CSMD1: variants seen among roughly 807,000 people sequenced by gnomAD.
CSMD1 encodes CUB and Sushi multiple domains 1, also known as CUB and sushi domain-containing protein 1.
Under a neutral mutation model 417.5 loss-of-function variants are expected in CSMD1, and 213 were observed. The observed-to-expected ratio is 0.51, with a 90% confidence interval of 0.46 to 0.57. The LOEUF (loss-of-function observed/expected upper bound fraction) is 0.57, where lower values mean the gene tolerates loss of function less well. Among genes scored for constraint, CSMD1 ranks in the 20% least tolerant of loss-of-function variants. The probability of loss-of-function intolerance (pLI) is 0.00; values close to 1 mark genes in which losing one functional copy is unlikely to be tolerated. For synonymous variants in CSMD1, 2,862 were observed against 1,736.8 expected (o/e 1.65, Z -16.11); for missense variants, 6,923 against 4,529.7 (o/e 1.53, Z -15.17).
intron 1 of CSMD1, among the ~76,000 whole-genome samples, chr8:4,869,824 C>G (rs1372008799): frequency 6.6e-6 from 1 of 151,888 alleles, no homozygotes; most frequent in Non-Finnish European, 1.5e-5. Context: ...TATGGCTGGT[C>G]TTTAATTTAT....
intron 23 of CSMD1, among the ~76,000 whole-genome samples, chr8:3,338,859 A>G (rs1807451844): frequency 6.7e-6 from 1 of 149,112 alleles, no homozygotes; most frequent in Non-Finnish European, 1.5e-5. Context: ...ATTAACTTTA[A>G]GTTTTAGGGT....
intron 5 of CSMD1, among the ~76,000 whole-genome samples, chr8:3,930,052 G>C (rs538258213): frequency 1.0e-4 from 15 of 150,312 alleles, no homozygotes; most frequent in African/African-American, 3.2e-4. Context: ...TCTCTGAGAG[G>C]GGGTATGTGT....
At chr8:4,971,701 AT>A (rs1810250290) in intron 1 of CSMD1, among the ~76,000 whole-genome samples, 7 of 151,448 alleles carry the variant, frequency 4.6e-5, no homozygotes, top group Admixed American at 1.3e-4. Context: ...ATATATATAT[AT>A]ATATAATTTG....
At chr8:3,978,079 A>C (rs1368266355) in intron 5 of CSMD1, among the ~76,000 whole-genome samples, 1 of 152,198 alleles carries the variant, frequency 6.6e-6, no homozygotes, top group Non-Finnish European at 1.5e-5. Context: ...GCAACTGTGA[A>C]ACTCGGTGTC....
At chr8:4,236,138 G>A (rs1423685435) in intron 3 of CSMD1, among the ~76,000 whole-genome samples, 1 of 146,068 alleles carries the variant, frequency 6.8e-6, no homozygotes, top group Non-Finnish European at 1.5e-5. Flanking sequence ...TAAAAACACC[G>A]TATGTTATCA....
chr8:4,250,117 CT>C (rs1802963167), intron 3 of CSMD1, among the ~76,000 whole-genome samples: 1 of 152,184 alleles, frequency 6.6e-6, no homozygotes, highest in African/African-American at 2.4e-5. Flanking sequence ...AAGAAAGCCC[CT>C]GATCAACTAC....
chr8:4,468,984 TTC>T (rs1430468508), intron 2 of CSMD1, among the ~76,000 whole-genome samples: 4 of 152,178 alleles, frequency 2.6e-5, no homozygotes, highest in African/African-American at 9.7e-5. Context: ...ATGGGTATAG[TTC>T]TCTTATCAGA....
intron 4 of CSMD1, among the ~76,000 whole-genome samples, chr8:4,022,170 ATGTATATTTATG>A (rs1408442618): frequency 6.3e-5 from 7 of 111,984 alleles, no homozygotes; most frequent in Non-Finnish European, 1.3e-4. Context: ...ATTAATATAT[ATGTATATTTATG>A]TGTATATATA....
At chr8:3,345,293 A>G (rs1585030672) in intron 22 of CSMD1, among the ~76,000 whole-genome samples, 1 of 152,194 alleles carries the variant, frequency 6.6e-6, no homozygotes, top group Admixed American at 6.5e-5. Flanking sequence ...TACAACCACT[A>G]AAAATGAACA....
Position 4,849,330 on chromosome 8 carries a change from AAAGT to A in CSMD1, c.85+144998_85+145001del, listed in dbSNP as rs544342536. Among the ~76,000 whole-genome samples, 119 of 152,220 alleles carry A rather than the reference AAAGT, an allele frequency of 7.8e-4. 1 individual carries two copies. The South Asian group carries it at 0.013, about 16-fold the overall frequency. On this transcript the variant is annotated intron_variant, in intron 1 of 69. Coordinates refer to ENST00000635120, the MANE Select transcript of CSMD1 (RefSeq NM_033225.6). ...AAAAAATTAAAAGTTTATAAAGAAA[AAAGT>A]AATAAGGTGAAGTTAATTTAATAAA...
At chr8:4,668,834 T>C (rs1201296188) in intron 1 of CSMD1, among the ~76,000 whole-genome samples, 1 of 152,168 alleles carries the variant, frequency 6.6e-6, no homozygotes, top group Non-Finnish European at 1.5e-5. Context: ...CTATATCTGT[T>C]ATCCTCTCTC....
intron 1 of CSMD1, among the ~76,000 whole-genome samples, chr8:4,993,484 G>T (rs1811588939): frequency 6.6e-6 from 1 of 151,866 alleles, no homozygotes; most frequent in Non-Finnish European, 1.5e-5. Flanking sequence ...CAGCCTTGAG[G>T]TCGCAGCCTG....
At chr8:4,819,848 G>C (rs755813675) in intron 1 of CSMD1, among the ~76,000 whole-genome samples, 22 of 152,126 alleles carry the variant, frequency 1.4e-4, no homozygotes, top group Non-Finnish European at 3.1e-4. Flanking sequence ...GAGCAAACGA[G>C]TGTAGGGAAC....
chr8:4,753,545 G>C (rs566841975), intron 1 of CSMD1, among the ~76,000 whole-genome samples: 1 of 151,808 alleles, frequency 6.6e-6, no homozygotes, highest in East Asian at 1.9e-4. Flanking sequence ...CTAAGTCTTG[G>C]GTTCATGATT....
chr8:4,171,276 C>T (rs1331199421), intron 3 of CSMD1, among the ~76,000 whole-genome samples: 1 of 151,942 alleles, frequency 6.6e-6, no homozygotes, highest in Non-Finnish European at 1.5e-5. Context: ...ATTCATTCAC[C>T]TGGCATTTAT....
At chr8:4,078,896 AATATATATATATAT>A (rs1173719388) in intron 3 of CSMD1, among the ~76,000 whole-genome samples, 57 of 43,546 alleles carry the variant, frequency 1.3e-3, no homozygotes, top group Admixed American at 6.2e-3. Flanking sequence ...AATAATAATA[AATATATATATATAT>A]ATATATATAT....
intron 3 of CSMD1, among the ~76,000 whole-genome samples, chr8:4,246,188 C>A (rs777169428): frequency 5.9e-5 from 9 of 152,146 alleles, no homozygotes; most frequent in Non-Finnish European, 8.8e-5. Flanking sequence ...TTCCATCCTC[C>A]AAAAGGCCCC....
intron 1 of CSMD1, among the ~76,000 whole-genome samples, chr8:4,686,339 G>T (rs1322226324): frequency 1.3e-5 from 2 of 152,160 alleles, no homozygotes; most frequent in East Asian, 3.9e-4. Flanking sequence ...TTGGATTCAG[G>T]ACACCCTAAC....
intron 5 of CSMD1, among the ~76,000 whole-genome samples, chr8:3,790,681 G>C (rs980693371): frequency 3.3e-5 from 5 of 152,096 alleles, no homozygotes; most frequent in African/African-American, 4.8e-5. Context: ...AACAGGGTTT[G>C]TTTTATCTTT....
Sources: allele counts gnomAD v4.1 joint callset (sites outside exome capture counted in the v4.1 genomes callset), GRCh38; gene constraint gnomAD v4.1.1; transcripts MANE v1.5; gene names NCBI Gene and HGNC (gene_info 2026-07-23, HGNC 2026-07-21).